The following MGAM2 variants were observed in gnomAD, a reference collection of about 807,000 sequenced individuals.
The protein encoded by MGAM2 is maltase-glucoamylase 2 (putative), also known as probable maltase-glucoamylase 2.
Under a neutral mutation model 96.1 loss-of-function variants are expected in MGAM2, and 98 were observed. The observed-to-expected ratio is 1.02, with a 90% CI of 0.87 to 1.21. The LOEUF (loss-of-function observed/expected upper bound fraction) is 1.21, where lower values mean the gene tolerates loss of function less well. MGAM2 is among the 50% of genes most tolerant of loss of function. The pLI, the probability that MGAM2 is intolerant of heterozygous loss-of-function variation, is 0.00. For synonymous variants in MGAM2, 749 were observed against 414.8 expected, an observed-to-expected ratio of 1.81 and a Z score of -9.79; for missense variants, 2,055 against 1,182.4, an observed-to-expected ratio of 1.74 and a Z score of -10.82.
At chr7:142,161,276 A>G in intron 22 of MGAM2, 63 bp downstream of exon 22, 1 of 691,626 alleles carries the variant, frequency 1.4e-6, no homozygotes, top group South Asian at 1.5e-5. Context: ...ATTAGTCATC[A>G]TAGGCTGCCC....
intron 3 of MGAM2, among the ~76,000 whole-genome samples, chr7:142,127,125 T>C (rs1794754185): frequency 6.6e-6 from 1 of 152,244 alleles, no homozygotes; most frequent in African/African-American, 2.4e-5. Flanking sequence ...ATGTAGTTAC[T>C]TGCTTCTTTA....
At chr7:142,171,477 C>T in intron 28 of MGAM2, 37 bp downstream of exon 28, 2 of 696,554 alleles carry the variant, frequency 2.9e-6, no homozygotes, top group Non-Finnish European at 5.3e-6. Context: ...ATCAGTTTCT[C>T]TTTATGTAAA....
chr7:142,218,105 A>T (rs2129107588), intron 46 of MGAM2, among the ~76,000 whole-genome samples: 1 of 152,234 alleles, frequency 6.6e-6, no homozygotes, highest in East Asian at 1.9e-4. Flanking sequence ...ACAAACAAAC[A>T]AATGTTGACT....
intron 23 of MGAM2, among the ~76,000 whole-genome samples, chr7:142,163,687 C>T (rs1042585893): frequency 6.6e-6 from 1 of 152,186 alleles, no homozygotes; most frequent in African/African-American, 2.4e-5. Context: ...TCCAGAATGG[C>T]TGTACCATTT....
intron 42 of MGAM2, 99 bp from the exon 43 acceptor site, chr7:142,198,040 C>A (rs1191751655): frequency 1.6e-6 from 1 of 639,610 alleles, no homozygotes. Context: ...ATCACTAATA[C>A]AATTTTCATT....
Position 142,217,028 on chromosome 7 carries a change from T to G in MGAM2, c.5188-1333T>G, listed in dbSNP as rs545075191. The stretch of plus-strand genomic sequence containing the variant: ...CCCCTATTTCCTGTCTCATAATAAA[T>G]CCTTCCCATGCTTACCAGGAGTTCC... On this transcript the variant is annotated intron_variant, in intron 46 of 47. Coordinates refer to ENST00000477922, the MANE Select transcript of MGAM2 (RefSeq NM_001293626.2). Among the ~76,000 whole-genome samples, 147 of 152,298 alleles carry G rather than the reference T, an allele frequency of 9.7e-4. 1 individual carries two copies. Among genetic ancestry groups the G allele is most frequent in the African/African-American group, 3.4e-3 (140 of 41,570 alleles).
At chr7:142,188,281 A>T (rs1466955655) in intron 36 of MGAM2, among the ~76,000 whole-genome samples, 1 of 152,176 alleles carries the variant, frequency 6.6e-6, no homozygotes, top group Non-Finnish European at 1.5e-5. Context: ...GAATGTTGGT[A>T]TCAAAAGGAT....
chr7:142,144,797 G>A (rs560542114), intron 13 of MGAM2, 64 bp from the exon 14 acceptor site: 57 of 652,036 alleles, frequency 8.7e-5, no homozygotes, highest in Middle Eastern at 2.5e-4. Context: ...TTCAGTAAGC[G>A]TTTCTCAACA....
intron 3 of MGAM2, among the ~76,000 whole-genome samples, chr7:142,125,521 T>C (rs7790470): frequency 0.49 from 73,830 of 151,966 alleles, 20,476 homozygotes; most frequent in African/African-American, 0.77. Context: ...ATCAATTATC[T>C]ACAGGCCACC....
In MGAM2 at chr7:142,198,150, G is replaced by A; in HGVS notation, c.4878G>A (p.Glu1626=). ...ATTTTATGTTTCAGAGCACATTTGAGATCTCTGCTTATTTTCCGAGAGCCC... is the reference window on the plus strand; with the variant it reads ...ATTTTATGTTTCAGAGCACATTTGAAATCTCTGCTTATTTTCCGAGAGCCC... ...ISPVLETSTF[E]ISAYFPRARW... Residue 1626 remains glutamate (E), a synonymous_variant, in exon 43 of 48, where the codon GAG becomes GAA. Coordinates refer to ENST00000477922, the MANE Select transcript of MGAM2 (RefSeq NM_001293626.2). 2.8e-6 allele frequency: 2 copies of A among 702,916 alleles called. No homozygotes were observed. The highest frequency in any genetic ancestry group is 2.3e-4 in the Middle Eastern group (1 of 4,368). The allele number at this position is 702,916 out of a possible 1,614,324, so 43.5% of individuals were successfully genotyped here. A position where few individuals can be genotyped will look rare whatever the true frequency, so the allele number is the denominator to read the frequency against.
At chr7:142,188,109 A>AAAACACACACACAC (rs1796757623) in intron 36 of MGAM2, among the ~76,000 whole-genome samples, 1 of 143,564 alleles carries the variant, frequency 7.0e-6, no homozygotes, top group African/African-American at 2.6e-5. Flanking sequence ...TAAACCCTTA[A>AAAACACACACACAC]ACACACACAC....
At chr7:142,182,143 C>T (rs1196209403) in intron 32 of MGAM2, among the ~76,000 whole-genome samples, 1 of 152,162 alleles carries the variant, frequency 6.6e-6, no homozygotes, top group Non-Finnish European at 1.5e-5. Context: ...CTCCCCTACT[C>T]AAGCCTCAGC....
chr7:142,221,469 A>G lies in MGAM2; in HGVS notation c.6958A>G (p.Thr2320Ala), dbSNP rs1797925277. The G allele has an allele frequency of 3.5e-6, 2 of 575,236 alleles. No homozygotes were observed. The highest frequency in any genetic ancestry group is 3.1e-6 in the Non-Finnish European group (1 of 325,190). 35.6% of individuals were successfully genotyped at this position (575,236 alleles called of 1,614,324 possible). Reference protein sequence around the residue: ...SITSILSMFPTSNTFTTDKIT... With the variant: ...SITSILSMFPASNTFTTDKIT... ...TACTTCTATTTTGAGCATGTTTCCAACAAGTAATACATTCACTACTGATAA... is the reference window on the plus strand; with the variant it reads ...TACTTCTATTTTGAGCATGTTTCCAGCAAGTAATACATTCACTACTGATAA... The change falls in exon 48 of 48, where the codon ACA (threonine) becomes GCA (alanine). Residue 2320 changes from threonine (T) to alanine (A), a missense_variant. Physicochemically the swap from Thr to Ala is moderately conservative, Grantham distance 58. Transcript: ENST00000477922.
chr7:142,200,072 G>A (rs1797176605), intron 45 of MGAM2, 104 bp downstream of exon 45: 3 of 501,964 alleles, frequency 6.0e-6, no homozygotes, highest in Non-Finnish European at 1.1e-5. Context: ...TCTGCCTATT[G>A]TCAATAAGGC....
intron 32 of MGAM2, among the ~76,000 whole-genome samples, chr7:142,177,569 T>C (rs1411719900): frequency 2.0e-5 from 3 of 152,184 alleles, no homozygotes; most frequent in Non-Finnish European, 2.9e-5. Context: ...CCCACCTTTA[T>C]ATCTATGTGT....
At chr7:142,144,828 A>G in intron 13 of MGAM2, 33 bp from the exon 14 acceptor site, 1 of 691,542 alleles carries the variant, frequency 1.4e-6, no homozygotes, top group East Asian at 2.8e-5. Context: ...GCTCAATCGC[A>G]TTTTACACTT....
At chr7:142,201,074 T>TTTTTC (rs1797211657) in intron 45 of MGAM2, among the ~76,000 whole-genome samples, 1 of 119,018 alleles carries the variant, frequency 8.4e-6, no homozygotes, top group African/African-American at 3.6e-5. Context: ...CCTTTTTCTT[T>TTTTTC]TTTTTTTCTT....
At chr7:142,112,328 T>A (rs1817201668) in intron 1 of MGAM2, among the ~76,000 whole-genome samples, 1 of 152,072 alleles carries the variant, frequency 6.6e-6, no homozygotes, top group Admixed American at 6.5e-5. Flanking sequence ...TTCCTGTACT[T>A]CCTGAGCTAA....
chr7:142,213,892 T>C (rs910368982), intron 46 of MGAM2, among the ~76,000 whole-genome samples: 4 of 152,206 alleles, frequency 2.6e-5, no homozygotes, highest in Non-Finnish European at 5.9e-5. Context: ...GTATCCCTGA[T>C]GAACATCAAT....
Sources: allele counts gnomAD v4.1 joint callset (sites outside exome capture counted in the v4.1 genomes callset), GRCh38; gene constraint gnomAD v4.1.1; transcripts MANE v1.5; gene names NCBI Gene and HGNC (gene_info 2026-07-23, HGNC 2026-07-21).